PRRG1: variants seen among roughly 807,000 people sequenced by gnomAD.
PRRG1 encodes proline rich and Gla domain 1.
A neutral mutation model predicts 11.8 loss-of-function variants in PRRG1; 5 were observed. That is an observed-to-expected ratio of 0.42 (90% CI 0.22 to 0.89). The LOEUF (loss-of-function observed/expected upper bound fraction) is 0.89. Among genes scored for constraint, PRRG1 ranks in the 40% least tolerant of loss-of-function variants. PRRG1 has a pLI of 0.28. For synonymous variants in PRRG1, 66 were observed against 60.4 expected, an observed-to-expected ratio of 1.09 and a Z score of -0.43; for missense variants, 155 against 166.1, an observed-to-expected ratio of 0.93 and a Z score of 0.37.
chrX:37,393,523 T>C (rs1556377295), intron 1 of PRRG1, among the ~76,000 whole-genome samples: 1 of 111,408 alleles, frequency 9.0e-6, no homozygotes, highest in Non-Finnish European at 1.9e-5. Flanking sequence ...GACAGAGGTA[T>C]TGCTTAGTGG....
intron 1 of PRRG1, among the ~76,000 whole-genome samples, chrX:37,388,737 G>A (rs782682314): frequency 4.4e-5 from 5 of 112,865 alleles, no homozygotes; most frequent in Admixed American, 9.3e-5. Flanking sequence ...ATGCCTTTGA[G>A]GAGTTTTTCC....
intron 1 of PRRG1, among the ~76,000 whole-genome samples, chrX:37,394,338 A>T (rs1931645204): frequency 8.9e-6 from 1 of 111,927 alleles, no homozygotes; most frequent in Non-Finnish European, 1.9e-5. Flanking sequence ...GGAGGGAATG[A>T]ACTCCAGGGA....
chrX:37,386,641 C>G (rs1601989339), intron 1 of PRRG1: 1 of 111,900 alleles, frequency 8.9e-6, no homozygotes, highest in East Asian at 2.8e-4. Flanking sequence ...CTCCCCAACC[C>G]CAATCAAGAA....
intron 1 of PRRG1, among the ~76,000 whole-genome samples, chrX:37,353,850 A>G (rs781793451): frequency 1.2e-4 from 14 of 112,762 alleles, no homozygotes; most frequent in East Asian, 2.8e-4. Flanking sequence ...GCCTAAAGGC[A>G]TTTCTCAGAC....
chrX:37,438,167 G>A (rs782428405), intron 3 of PRRG1, among the ~76,000 whole-genome samples: 28 of 110,279 alleles, frequency 2.5e-4, no homozygotes, highest in Non-Finnish European at 4.4e-4. Context: ...AGCCGAGATC[G>A]CACCACTGCA....
intron 1 of PRRG1, among the ~76,000 whole-genome samples, chrX:37,358,439 A>T (rs1930313693): frequency 9.3e-6 from 1 of 107,595 alleles, no homozygotes; most frequent in African/African-American, 3.4e-5. Flanking sequence ...ATCTAGATTC[A>T]TTTTTTTTTC....
chrX:37,442,322 C>G (rs1932998244), intron 3 of PRRG1: 3 of 570,157 alleles, frequency 5.3e-6, no homozygotes, highest in Non-Finnish European at 6.3e-6. Context: ...AGCAGTCTCT[C>G]CACCCAGTCC....
At chrX:37,441,893 A>G in intron 3 of PRRG1, 2 of 773,828 alleles carry the variant, frequency 2.6e-6, no homozygotes, top group Non-Finnish European at 3.1e-6. Flanking sequence ...CTGGCCATGG[A>G]GAAAGGTGAC....
intron 1 of PRRG1, among the ~76,000 whole-genome samples, chrX:37,400,350 A>G (rs1395659084): frequency 8.9e-6 from 1 of 111,887 alleles, no homozygotes; most frequent in Non-Finnish European, 1.9e-5. Context: ...GCTCAACTAC[A>G]TGGAAACTGA....
chrX:37,397,104 C>G (rs1931744710), intron 1 of PRRG1, among the ~76,000 whole-genome samples: 1 of 112,553 alleles, frequency 8.9e-6, no homozygotes, highest in African/African-American at 3.2e-5. Context: ...AAATGTACCA[C>G]TTGTGATATG....
intron 1 of PRRG1, among the ~76,000 whole-genome samples, chrX:37,399,909 A>T (rs183595874): frequency 5.5e-3 from 608 of 111,092 alleles, no homozygotes; most frequent in Non-Finnish European, 8.8e-3. Context: ...TGGTAAAAGG[A>T]TCAATTCAAC....
intron 1 of PRRG1, among the ~76,000 whole-genome samples, chrX:37,376,549 G>GTA (rs1491489103): frequency 0.15 from 2,408 of 16,033 alleles, 345 homozygotes; most frequent in African/African-American, 0.2. Context: ...AGAAATGTGA[G>GTA]TGTATATATA....
chrX:37,393,533 G>A (rs143083455), intron 1 of PRRG1, among the ~76,000 whole-genome samples: 3,080 of 111,035 alleles, frequency 0.028, 106 homozygotes, highest in African/African-American at 0.094. Flanking sequence ...TTGCTTAGTG[G>A]TTTCCCACTG....
intron 3 of PRRG1, among the ~76,000 whole-genome samples, chrX:37,434,554 G>C (rs782777997): frequency 4.5e-5 from 5 of 111,885 alleles, no homozygotes; most frequent in South Asian, 3.8e-4. Context: ...GATGGACCTT[G>C]ATCTGGTGTC....
chrX:37,373,349 ATAGG>A (rs1211062337), intron 1 of PRRG1, among the ~76,000 whole-genome samples: 21 of 112,090 alleles, frequency 1.9e-4, no homozygotes, highest in African/African-American at 6.8e-4. Flanking sequence ...TGAAATTTTG[ATAGG>A]GATTCCATTG....
intron 2 of PRRG1, among the ~76,000 whole-genome samples, chrX:37,420,305 A>G (rs1474716062): frequency 9.0e-6 from 1 of 111,440 alleles, no homozygotes; most frequent in Non-Finnish European, 1.9e-5. Context: ...AACAACCACA[A>G]GGCTCCCCCC....
chrX:37,423,642 T>A (rs1556387648), intron 2 of PRRG1, among the ~76,000 whole-genome samples: 1 of 110,634 alleles, frequency 9.0e-6, no homozygotes, highest in African/African-American at 3.3e-5. Flanking sequence ...GTGCTGGGAT[T>A]ACAGGCATGA....
chrX:37,376,554 T>TATATATATATATATATATTTTTCC (rs1930958918), intron 1 of PRRG1, among the ~76,000 whole-genome samples: 1 of 67,747 alleles, frequency 1.5e-5, no homozygotes, highest in Non-Finnish European at 3.0e-5. Flanking sequence ...TGTGAGTGTA[T>TATATATATATATATATATTTTTCC]ATATATATAT....
intron 2 of PRRG1, among the ~76,000 whole-genome samples, chrX:37,424,183 A>G (rs1194925100): frequency 1.8e-5 from 2 of 111,773 alleles, no homozygotes; most frequent in Non-Finnish European, 3.8e-5. Flanking sequence ...GGCCCTAAAA[A>G]GTCATTCAGT....
Sources: allele counts gnomAD v4.1 joint callset (sites outside exome capture counted in the v4.1 genomes callset), GRCh38; gene constraint gnomAD v4.1.1; transcripts MANE v1.5; gene names NCBI Gene and HGNC (gene_info 2026-07-23, HGNC 2026-07-21).